The following MRPS35 variants were observed in gnomAD, a reference collection of about 807,000 sequenced individuals.
MRPS35 encodes mitochondrial ribosomal protein S35.
In MRPS35, 29 loss-of-function variants were observed where a neutral mutation model predicts 32.7. The ratio of observed to expected loss-of-function variants is 0.89; its 90% CI spans 0.66 to 1.21. MRPS35 has a LOEUF of 1.21. MRPS35 is among the 50% of genes most tolerant of loss of function. The pLI is 0.00. For synonymous variants in MRPS35, 148 were observed against 139.3 expected (o/e 1.06, Z -0.44); for missense variants, 373 against 383.8 (o/e 0.97, Z 0.23).
chr12:27,740,415 A>C (rs2061959887), intron 7 of MRPS35, among the ~76,000 whole-genome samples: 3 of 152,042 alleles, frequency 2.0e-5, no homozygotes, highest in Non-Finnish European at 2.9e-5. Flanking sequence ...CTACAGGCGC[A>C]TGGCACCATG....
At position 27,737,570 on chromosome 12, in the gene MRPS35, G is replaced by A; in HGVS notation, c.664G>A (p.Ala222Thr). Reference sequence around the variant, plus strand: ...TTTAAGGAGGCAGAATTACGATTATGCAGTGTATCTACTAACAGTGTTATA... The same window carrying A: ...TTTAAGGAGGCAGAATTACGATTATACAGTGTATCTACTAACAGTGTTATA... ...CPLRRQNYDYAVYLLTVLYHE... is the reference protein window; with the variant it reads ...CPLRRQNYDYTVYLLTVLYHE... The change falls in exon 7 of 8, where the codon GCA becomes ACA. Residue 222 changes from alanine to threonine, a missense_variant. Physicochemically the swap from Ala to Thr is moderately conservative, Grantham distance 58. Coordinates refer to ENST00000081029, the MANE Select transcript of MRPS35 (RefSeq NM_021821.4). The A allele has an allele frequency of 6.2e-7, 1 of 1,612,108 alleles. No individual in the cohort carries two copies. The highest frequency in any genetic ancestry group is 8.5e-7 in the Non-Finnish European group (1 of 1,178,512).
chr12:27,726,898 A>G (rs537730686), intron 5 of MRPS35, among the ~76,000 whole-genome samples: 5 of 150,082 alleles, frequency 3.3e-5, no homozygotes, highest in South Asian at 4.2e-4. Flanking sequence ...CTTCTCAGAT[A>G]TATGATTTGT....
chr12:27,749,941 C>T (rs576114615), intron 7 of MRPS35, among the ~76,000 whole-genome samples: 2 of 152,306 alleles, frequency 1.3e-5, no homozygotes, highest in East Asian at 3.9e-4. Context: ...AATACCAAAG[C>T]TCATGGTAAA....
At chr12:27,743,387 G>T in intron 7 of MRPS35, among the ~76,000 whole-genome samples, 1 of 151,972 alleles carries the variant, frequency 6.6e-6, no homozygotes, top group South Asian at 2.1e-4. Context: ...AATTAGCCGG[G>T]TGTGGTGGCG....
intron 7 of MRPS35, among the ~76,000 whole-genome samples, chr12:27,745,495 C>G (rs974234920): frequency 6.6e-6 from 1 of 152,006 alleles, no homozygotes; most frequent in Non-Finnish European, 1.5e-5. Context: ...AAATGAACAA[C>G]TGACTAATTG....
At chr12:27,732,387 TC>T (rs2061925078) in intron 5 of MRPS35, among the ~76,000 whole-genome samples, 1 of 152,224 alleles carries the variant, frequency 6.6e-6, no homozygotes, top group Non-Finnish European at 1.5e-5. Context: ...TCTTGTCCTC[TC>T]TGTGCCTTGT....
At chr12:27,711,208 G>T (rs2061820331) in intron 1 of MRPS35, among the ~76,000 whole-genome samples, 1 of 152,322 alleles carries the variant, frequency 6.6e-6, no homozygotes, top group South Asian at 2.1e-4. Flanking sequence ...CCCCTTCCCC[G>T]TGACCTGCTC....
chr12:27,753,353 C>T (rs720878), intron 7 of MRPS35, among the ~76,000 whole-genome samples: 8 of 150,928 alleles, frequency 5.3e-5, no homozygotes, highest in African/African-American at 9.7e-5. Context: ...TTTGCTGACT[C>T]GGTGTTGTCC....
rs143061291 is a variant in MRPS35 at position 27,732,655 on chromosome 12, GA to G, written c.523-2783del. 1.1e-4 allele frequency among the ~76,000 whole-genome samples: 17 copies of G among 151,256 alleles called. No individual in the cohort carries two copies. In the East Asian group the frequency reaches 1.4e-3, roughly 12 times the overall value. On this transcript the variant is annotated intron_variant, in intron 5 of 7. Transcript: ENST00000081029. ...ACATACTCAAATGTTTTAATGCACA[GA>G]AAAAAAAATTTTGATAGTCATAAAA...
At chr12:27,740,539 G>C (rs1057359044) in intron 7 of MRPS35, among the ~76,000 whole-genome samples, 15 of 152,190 alleles carry the variant, frequency 9.9e-5, no homozygotes, top group African/African-American at 2.9e-4. Flanking sequence ...CAAAGTGTTG[G>C]ATTATAGGCA....
At chr12:27,730,096 C>T (rs540621031) in intron 5 of MRPS35, among the ~76,000 whole-genome samples, 7 of 152,236 alleles carry the variant, frequency 4.6e-5, no homozygotes, top group South Asian at 4.1e-4. Flanking sequence ...TACTATGGTA[C>T]GTTTGTCACA....
At chr12:27,749,749 TAAC>T (rs1222285447) in intron 7 of MRPS35, among the ~76,000 whole-genome samples, 6 of 152,320 alleles carry the variant, frequency 3.9e-5, no homozygotes, top group Middle Eastern at 3.4e-3. Context: ...GTTGTATTAT[TAAC>T]AACAACATTT....
intron 7 of MRPS35, 23 bp from the exon 8 acceptor site, chr12:27,755,158 T>G (rs1379776713): frequency 6.7e-7 from 1 of 1,492,856 alleles, no homozygotes; most frequent in African/African-American, 1.4e-5. Context: ...GAACTCATTT[T>G]TTTTTGTTTT....
intron 4 of MRPS35, among the ~76,000 whole-genome samples, chr12:27,721,096 T>C (rs1369816402): frequency 6.6e-6 from 1 of 152,168 alleles, no homozygotes; most frequent in Non-Finnish European, 1.5e-5. Context: ...CCTGATTATG[T>C]TGGGAAGGAG....
Position 27,714,805 on chromosome 12 carries a change from G to A in MRPS35, c.138G>A (p.Arg46=), listed in dbSNP as rs1298459177. ...CGGAAAGAACACCCGGAAATGAAAGGCCACCAAGAAGAAAGGTAAAAAGTT... is the reference window on the plus strand; with the variant it reads ...CGGAAAGAACACCCGGAAATGAAAGACCACCAAGAAGAAAGGTAAAAAGTT... ...SLPERTPGNE[R]PPRRKALPPR... The change falls in exon 2 of 8, where the codon AGG becomes AGA. Residue 46 remains arginine, a synonymous_variant. Coordinates refer to ENST00000081029, the MANE Select transcript of MRPS35 (RefSeq NM_021821.4). 8 of 1,610,530 alleles carry A rather than the reference G, an allele frequency of 5.0e-6. No homozygotes were observed. In the African/African-American group the frequency reaches 8.0e-5, roughly 16 times the overall value.
At chr12:27,744,603 A>T (rs1441461410) in intron 7 of MRPS35, among the ~76,000 whole-genome samples, 1 of 152,238 alleles carries the variant, frequency 6.6e-6, no homozygotes, top group Non-Finnish European at 1.5e-5. Context: ...TCCTGGCAAG[A>T]CGCATCTCTT....
Position 27,740,066 on chromosome 12 carries a change from C to T in MRPS35, c.702+2458C>T, listed in dbSNP as rs557480091. ...GAAGAAGATTTTGAATACAGATGAG[C>T]CGTGAAATTTTGCGGAGCTGCTAGA... is the stretch of plus-strand genomic sequence containing the variant. On this transcript the variant is annotated intron_variant, in intron 7 of 7. Transcript: ENST00000081029. Among the ~76,000 whole-genome samples the T allele has an allele frequency of 3.5e-4, 54 of 152,172 alleles. 1 individual carries two copies. The highest frequency in any genetic ancestry group is 1.2e-3 in the African/African-American group (50 of 41,492).
intron 7 of MRPS35, 79 bp from the exon 8 acceptor site, chr12:27,755,098 GAAGA>G (rs2062021011): frequency 4.8e-5 from 64 of 1,327,582 alleles, no homozygotes; most frequent in South Asian, 1.3e-4. Flanking sequence ...AAAAAAAAAA[GAAGA>G]AAGAAAGGAA....
intron 5 of MRPS35, among the ~76,000 whole-genome samples, chr12:27,730,269 C>T (rs1006776812): frequency 1.3e-5 from 2 of 152,076 alleles, no homozygotes; most frequent in Non-Finnish European, 2.9e-5. Flanking sequence ...TTAGGTTTAT[C>T]TTGGGTGTGA....
Sources: gnomAD v4.1 joint callset for allele counts (sites outside exome capture counted in the v4.1 genomes callset) on GRCh38, gnomAD v4.1.1 for gene constraint, MANE v1.5 for transcripts, NCBI Gene and HGNC (gene_info 2026-07-23, HGNC 2026-07-21) for gene names.